SEMA4F: variants seen among roughly 807,000 people sequenced by gnomAD.
SEMA4F encodes ssemaphorin 4F, also known as semaphorin-4F.
A neutral mutation model predicts 78.4 loss-of-function variants in SEMA4F; 51 were observed. That is an observed-to-expected ratio of 0.65 (90% CI 0.52 to 0.82). The LOEUF is 0.82. SEMA4F is among the 40% of genes least tolerant of loss of function. The pLI, the probability that SEMA4F is intolerant of heterozygous loss-of-function variation, is 0.00. For synonymous variants in SEMA4F, 418 were observed against 408.7 expected (o/e 1.02, Z -0.27); for missense variants, 938 against 1,014.4 (o/e 0.92, Z 1.02).
At chr2:74,697,682 C>T in the SEMA4F span, among the ~76,000 whole-genome samples, 2 of 152,144 alleles carry the variant, frequency 1.3e-5, no homozygotes, top group Admixed American at 1.3e-4. Context: ...ACATTGAAGG[C>T]CTCTCCAGGC....
chr2:74,697,729 T>C, the SEMA4F span, among the ~76,000 whole-genome samples: 2 of 152,152 alleles, frequency 1.3e-5, no homozygotes, highest in African/African-American at 2.4e-5. Context: ...CAATCTTTAG[T>C]TCAACTTTGA....
At position 74,673,838 on chromosome 2, in the gene SEMA4F, C is replaced by T; in HGVS notation, c.822+10C>T. 6.2e-7 allele frequency: 1 copy of T among 1,609,654 alleles called. No individual in the cohort carries two copies. The highest frequency in any genetic ancestry group is 8.5e-7 in the Non-Finnish European group (1 of 1,177,284). On this transcript the variant is annotated intron_variant, in intron 7 of 13. Coordinates refer to ENST00000357877, the MANE Select transcript of SEMA4F (RefSeq NM_004263.5). Reference sequence around the variant, plus strand: ...GGCCCGTGTGTGTGCGGTGAGACCCCATCCCAGCTGTCTGTCTGTCATCTC... The same window carrying T: ...GGCCCGTGTGTGTGCGGTGAGACCCTATCCCAGCTGTCTGTCTGTCATCTC...
chr2:74,663,826 G>A (rs1684545021), intron 5 of SEMA4F, among the ~76,000 whole-genome samples: 1 of 152,052 alleles, frequency 6.6e-6, no homozygotes, highest in African/African-American at 2.4e-5. Flanking sequence ...GTTTTAGAGG[G>A]GACAAAACAT....
rs1243999809 is a variant in SEMA4F at position 74,674,889 on chromosome 2, G to A, written c.1003G>A (p.Glu335Lys). 1.2e-6 allele frequency: 2 copies of A among 1,613,770 alleles called. No homozygotes were observed. Among genetic ancestry groups the A allele is most frequent in the African/African-American group, 1.3e-5 (1 of 74,816 alleles). ...CCAGCTCCAACCTGTGAATTCCAGG[G>A]AGGGGGCTACTATCTCTGCTGTCTG... ...IFYGIFSSQWEGATISAVCAF... is the reference protein window; with the variant it reads ...IFYGIFSSQWKGATISAVCAF... Residue 335 changes from glutamate to lysine, a missense_variant and splice_region_variant, in exon 9 of 14, where the codon GAG (glutamate) becomes AAG (lysine). Coordinates refer to ENST00000357877, the MANE Select transcript of SEMA4F (RefSeq NM_004263.5).
chr2:74,660,391 T>C (rs922423119), intron 4 of SEMA4F, among the ~76,000 whole-genome samples: 1 of 152,240 alleles, frequency 6.6e-6, no homozygotes, highest in African/African-American at 2.4e-5. Flanking sequence ...GAACCATCTT[T>C]CTTTTCTTTG....
intron 5 of SEMA4F, among the ~76,000 whole-genome samples, chr2:74,664,152 C>G (rs964666982): frequency 1.3e-5 from 2 of 152,136 alleles, no homozygotes; most frequent in Non-Finnish European, 2.9e-5. Context: ...CAGTGAAAAG[C>G]CATTTTCTTG....
intron 13 of SEMA4F, 118 bp downstream of exon 13, chr2:74,679,452 A>C: frequency 6.8e-7 from 1 of 1,478,918 alleles, no homozygotes; most frequent in Non-Finnish European, 9.4e-7. Context: ...GGCAGCCAGG[A>C]ACCTCGGGCC....
In SEMA4F at chr2:74,680,315, C is replaced by CT. The variant is rs1170817645; in HGVS notation, c.*109dup. ...AAGACCATCCCAGCCTCTGAGTTCT[C>CT]TTTGAGTATGAGTGATTACTTGGAT... On this transcript the variant is annotated 3_prime_UTR_variant, in exon 14 of 14. Transcript: ENST00000357877. The CT allele has an allele frequency of 1.5e-6, 2 of 1,312,988 alleles. No homozygotes were observed. Among genetic ancestry groups the CT allele is most frequent in the African/African-American group, 3.0e-5 (2 of 67,742 alleles). 81.3% of individuals were successfully genotyped at this position (1,312,988 alleles called of 1,614,324 possible).
chr2:74,672,986 C>A lies in SEMA4F; in HGVS notation c.551-471C>A, dbSNP rs553906899. ...AAGTGAGTCTAGTATTCTCTAAAATCGTGACTTGTTCCAAAGCAGTGTACG... is the reference window on the plus strand; with the variant it reads ...AAGTGAGTCTAGTATTCTCTAAAATAGTGACTTGTTCCAAAGCAGTGTACG... On this transcript the variant is annotated intron_variant, in intron 5 of 13. Transcript: ENST00000357877. Among the ~76,000 whole-genome samples, 37 of 152,260 alleles carry A rather than the reference C, an allele frequency of 2.4e-4. 1 individual carries two copies. The South Asian group carries it at 7.1e-3, about 29-fold the overall frequency.
At chr2:74,690,816 C>G in the SEMA4F span, among the ~76,000 whole-genome samples, 1 of 152,174 alleles carries the variant, frequency 6.6e-6, no homozygotes, top group Non-Finnish European at 1.5e-5. Context: ...GTGGAAGTCC[C>G]TTCTGAGCTG....
At chr2:74,670,352 C>T (rs2104974274) in intron 5 of SEMA4F, among the ~76,000 whole-genome samples, 2 of 152,306 alleles carry the variant, frequency 1.3e-5, no homozygotes, top group South Asian at 4.1e-4. Context: ...CCTTCGTACT[C>T]TTAGGGCACC....
rs1486520730 is a variant in SEMA4F at position 74,681,225 on chromosome 2, CAG to C, written c.*1017_*1018del. 2 of 152,730 alleles carry C rather than the reference CAG, an allele frequency of 1.3e-5. No homozygotes were observed. Among genetic ancestry groups the C allele is most frequent in the African/African-American group, 4.8e-5 (2 of 41,552 alleles). 9.5% of individuals were successfully genotyped at this position (152,730 alleles called of 1,614,324 possible). A position where few individuals can be genotyped will look rare whatever the true frequency, so the allele number is the denominator to read the frequency against. On this transcript the variant is annotated 3_prime_UTR_variant, in exon 14 of 14. Transcript: ENST00000357877. ...GATACGTTTGCAATCAGTGACTACT[CAG>C]GGTGACACCCTTGCCCTAAAGCAGG... is the stretch of plus-strand genomic sequence containing the variant.
At chr2:74,698,413 T>C in the SEMA4F span, among the ~76,000 whole-genome samples, 3 of 152,216 alleles carry the variant, frequency 2.0e-5, no homozygotes, top group Non-Finnish European at 4.4e-5. Flanking sequence ...CATTGTCTTA[T>C]AGATGTTCAT....
chr2:74,676,138 C>T lies in SEMA4F; in HGVS notation c.1643+229C>T, dbSNP rs868542590. Among the ~76,000 whole-genome samples, 3 of 152,348 alleles carry T rather than the reference C, an allele frequency of 2.0e-5. No homozygotes were observed. In the Middle Eastern group the frequency reaches 0.01, roughly 518 times the overall value. On this transcript the variant is annotated intron_variant, in intron 12 of 13. Coordinates refer to ENST00000357877, the MANE Select transcript of SEMA4F (RefSeq NM_004263.5). Reference sequence around the variant, plus strand: ...TGCCTCTCTGCTGGACCTGCCTTGACCTGACAGTGTGCCATCTCTAGTGGA... The same window carrying T: ...TGCCTCTCTGCTGGACCTGCCTTGATCTGACAGTGTGCCATCTCTAGTGGA...
chr2:74,673,643 G>A (rs1303913611), intron 6 of SEMA4F, 34 bp from the exon 7 acceptor site: 6 of 1,612,688 alleles, frequency 3.7e-6, no homozygotes, highest in Non-Finnish European at 3.4e-6. Flanking sequence ...CCTAGGTTGT[G>A]TCTGTGAGGA....
chr2:74,688,625 C>G (rs1391395496), downstream of SEMA4F, among the ~76,000 whole-genome samples: 1 of 152,104 alleles, frequency 6.6e-6, no homozygotes, highest in Admixed American at 6.5e-5. Context: ...TCAATGATCA[C>G]AAATACAGAA....
At chr2:74,671,903 A>T (rs1219026832) in intron 5 of SEMA4F, among the ~76,000 whole-genome samples, 2 of 152,192 alleles carry the variant, frequency 1.3e-5, no homozygotes, top group African/African-American at 4.8e-5. Context: ...TGAATTTCAA[A>T]TCCTGTTAAT....
intron 4 of SEMA4F, 40 bp from the exon 5 acceptor site, chr2:74,662,679 ACCATGAACCTTCC>A: frequency 1.4e-6 from 2 of 1,441,106 alleles, no homozygotes; most frequent in Non-Finnish European, 2.0e-6. Context: ...TGTAATTCTC[ACCATGAACCTTCC>A]CTATGACCCC....
At position 74,657,916 on chromosome 2, in the gene SEMA4F, G is replaced by A. The variant is rs572619095; in HGVS notation, c.421G>A (p.Gly141Ser). ...IANASHLLTC[G>S]TFAFDPKCGV... ...CAATGCCTCTCACCTCCTCACTTGT[G>A]GCACCTTCGCTTTTGATCCGAAGTG... The change falls in exon 4 of 14, where the codon GGC becomes AGC. Residue 141 changes from glycine (G) to serine (S), a missense_variant. Physicochemically the swap from Gly to Ser is moderately conservative, Grantham distance 56. Coordinates refer to ENST00000357877, the MANE Select transcript of SEMA4F (RefSeq NM_004263.5). 6.2e-7 allele frequency: 1 copy of A among 1,614,194 alleles called. No homozygotes were observed. The highest frequency in any genetic ancestry group is 1.1e-5 in the South Asian group (1 of 91,084).
Sources: gnomAD v4.1 joint callset for allele counts (sites outside exome capture counted in the v4.1 genomes callset) on GRCh38, gnomAD v4.1.1 for gene constraint, MANE v1.5 for transcripts, NCBI Gene and HGNC (gene_info 2026-07-23, HGNC 2026-07-21) for gene names.